The following PCDHGA7 variants were observed in gnomAD, a reference collection of about 807,000 sequenced individuals.
PCDHGA7 encodes protocadherin gamma subfamily A, 7, also known as protocadherin gamma-A7.
A neutral mutation model predicts 58.3 loss-of-function variants in PCDHGA7; 44 were observed. The observed-to-expected ratio is 0.75, with a 90% CI of 0.59 to 0.97. The LOEUF is 0.97. PCDHGA7 is among the 50% of genes least tolerant of loss of function. The pLI, the probability that PCDHGA7 is intolerant of heterozygous loss-of-function variation, is 0.00. For synonymous variants in PCDHGA7, 516 were observed against 504.2 expected, an observed-to-expected ratio of 1.02 and a Z score of -0.31; for missense variants, 1,266 against 1,188.7, an observed-to-expected ratio of 1.06 and a Z score of -0.96.
intron 1 of PCDHGA7, chr5:141,419,630 G>A (rs1484627772): frequency 6.2e-7 from 1 of 1,612,430 alleles, no homozygotes; most frequent in South Asian, 1.1e-5. Context: ...GGTGACCAAG[G>A]TGGTGGCCGT....
intron 1 of PCDHGA7, among the ~76,000 whole-genome samples, chr5:141,435,696 A>G (rs932132128): frequency 1.3e-5 from 2 of 152,204 alleles, no homozygotes; most frequent in East Asian, 1.9e-4. Context: ...TGCTTATTGT[A>G]GAGTGGTTAC....
rs1414795207 is a variant in PCDHGA7 at position 141,393,033 on chromosome 5, C to T, written c.2424+7710C>T. On this transcript the variant is annotated intron_variant, in intron 1 of 3. Transcript: ENST00000518325. ...TATCGTCTCCAGAGGTAGGACGCAG[C>T]TCTTTGCTCTGAACCCGCGCAGCGG... is the stretch of plus-strand genomic sequence containing the variant. 4.3e-6 allele frequency: 7 copies of T among 1,613,782 alleles called. No individual in the cohort carries two copies. The highest frequency in any genetic ancestry group is 4.0e-5 in the African/African-American group (3 of 75,052).
chr5:141,389,463 G>C (rs1201903320), intron 1 of PCDHGA7: 1 of 1,613,192 alleles, frequency 6.2e-7, no homozygotes, highest in African/African-American at 1.3e-5. Context: ...GCGCGCCTTC[G>C]AACTCACACT....
At chr5:141,405,359 GAC>G in intron 1 of PCDHGA7, 1 of 1,614,018 alleles carries the variant, frequency 6.2e-7, no homozygotes, top group Admixed American at 1.7e-5. Context: ...TCCTATAGAA[GAC>G]ACCCCTTTGG....
rs758205179 is a variant in PCDHGA7 at position 141,477,813 on chromosome 5, A to G, written c.2425-16994A>G. ...ACTGATCGCAATGACAATGCCCCCC[A>G]GGTCCTATATCCTCGGCCAGGTGGG... On this transcript the variant is annotated intron_variant, in intron 1 of 3. Transcript: ENST00000518325. This position sits in a 1 kb window ranked among gnomAD's most constrained non-coding sequence, Gnocchi z 4.9. The G allele has an allele frequency of 8.1e-6, 13 of 1,614,002 alleles. No homozygotes were observed. The East Asian group carries it at 2.7e-4, about 33-fold the overall frequency.
At chr5:141,461,817 C>A (rs2099023873) in intron 1 of PCDHGA7, among the ~76,000 whole-genome samples, 1 of 150,844 alleles carries the variant, frequency 6.6e-6, no homozygotes, top group South Asian at 2.1e-4. Flanking sequence ...CCACACCCAG[C>A]TAATTTTTTT....
chr5:141,420,022 TA>T (rs2096459209), intron 1 of PCDHGA7: 1 of 1,613,986 alleles, frequency 6.2e-7, no homozygotes. Flanking sequence ...CTTTCAGCCC[TA>T]CTGCAGGAGA....
At chr5:141,393,622 A>G (rs776047060) in intron 1 of PCDHGA7, 2 of 1,613,960 alleles carry the variant, frequency 1.2e-6, no homozygotes, top group Non-Finnish European at 1.7e-6. Flanking sequence ...AGCGACCCGG[A>G]TGAGGGAATC....
intron 1 of PCDHGA7, among the ~76,000 whole-genome samples, chr5:141,437,926 T>C (rs1374182368): frequency 2.6e-5 from 4 of 152,058 alleles, no homozygotes; most frequent in Admixed American, 1.3e-4. Context: ...TTAGTAGAGA[T>C]GGGGTTTCAC....
chr5:141,455,759 A>G (rs1013283124), intron 1 of PCDHGA7, among the ~76,000 whole-genome samples: 4 of 152,300 alleles, frequency 2.6e-5, no homozygotes, highest in South Asian at 4.1e-4. Context: ...CCTGGCTCCT[A>G]GAGCCGGGGC....
chr5:141,412,534 A>G (rs1324712420), intron 1 of PCDHGA7: 1 of 152,192 alleles, frequency 6.6e-6, no homozygotes, highest in African/African-American at 2.4e-5. Context: ...ACAATTATAA[A>G]GCTTCAGAGT....
Position 141,409,505 on chromosome 5 carries a change from A to G in PCDHGA7, c.2424+24182A>G, listed in dbSNP as rs1361558030. 5.6e-6 allele frequency: 9 copies of G among 1,614,036 alleles called. No homozygotes were observed. In the Middle Eastern group the frequency reaches 4.9e-4, roughly 89 times the overall value. On this transcript the variant is annotated intron_variant, in intron 1 of 3. Coordinates refer to ENST00000518325, the MANE Select transcript of PCDHGA7 (RefSeq NM_018920.4). Reference sequence around the variant, plus strand: ...CAGGGGCAAGCCGCCTCTTTCTTCCAGTAGAAGCATCACCTTGTATGTCGC... The same window carrying G: ...CAGGGGCAAGCCGCCTCTTTCTTCCGGTAGAAGCATCACCTTGTATGTCGC...
chr5:141,451,521 TAAAGG>T (rs1187561043), intron 1 of PCDHGA7, among the ~76,000 whole-genome samples: 1 of 152,148 alleles, frequency 6.6e-6, no homozygotes, highest in Non-Finnish European at 1.5e-5. Context: ...TTAGAGCAAG[TAAAGG>T]AGAGTGCCAG....
rs769249726 is a variant in PCDHGA7 at position 141,490,832 on chromosome 5, A to C, written c.2425-3975A>C. On this transcript the variant is annotated intron_variant, in intron 1 of 3. Transcript: ENST00000518325. This position sits in a 1 kb window ranked among gnomAD's most constrained non-coding sequence, Gnocchi z 5.4. Reference sequence around the variant, plus strand: ...GACTATGAATTGCTGCAGATGCTGCAGATTGTGGTGGGGGTTCGAGACTCC... The same window carrying C: ...GACTATGAATTGCTGCAGATGCTGCCGATTGTGGTGGGGGTTCGAGACTCC... 1.5e-5 allele frequency: 25 copies of C among 1,613,796 alleles called. No individual in the cohort carries two copies. In the South Asian group the frequency reaches 2.6e-4, roughly 17 times the overall value.
Position 141,490,732 on chromosome 5 carries a change from G to A in PCDHGA7, c.2425-4075G>A, listed in dbSNP as rs775388969. 6.2e-6 allele frequency: 10 copies of A among 1,614,188 alleles called. No homozygotes were observed. The highest frequency in any genetic ancestry group is 8.5e-6 in the Non-Finnish European group (10 of 1,180,042). ...CACCTACTCCATTGTAGGAAATCAG[G>A]TTCAGGGAGCCCCAGCCTCCTCCTT... On this transcript the variant is annotated intron_variant, in intron 1 of 3. Transcript: ENST00000518325. This position sits in a 1 kb window ranked among gnomAD's most constrained non-coding sequence, Gnocchi z 5.4.
intron 1 of PCDHGA7, chr5:141,421,623 C>T: frequency 6.2e-7 from 1 of 1,613,810 alleles, no homozygotes. Flanking sequence ...ATAACGCCCC[C>T]AGCTTCCAGG....
intron 1 of PCDHGA7, among the ~76,000 whole-genome samples, chr5:141,454,796 ATTTTTTTTTTTTT>A (rs61612330): frequency 7.8e-5 from 6 of 77,408 alleles, no homozygotes; most frequent in African/African-American, 1.2e-4. Flanking sequence ...CATGGTTCTA[ATTTTTTTTTTTTT>A]TTTTTTTTTT....
At chr5:141,410,100 G>A in intron 1 of PCDHGA7, 1 of 1,612,736 alleles carries the variant, frequency 6.2e-7, no homozygotes, top group Non-Finnish European at 8.5e-7. Context: ...CGAGCCTTAG[G>A]CGACAGGGAC....
intron 1 of PCDHGA7, chr5:141,388,895 T>C (rs2150370716): frequency 6.2e-7 from 1 of 1,613,946 alleles, no homozygotes; most frequent in Non-Finnish European, 8.5e-7. Flanking sequence ...AAGTCATAGA[T>C]GAAAATGACA....
Sources: gnomAD v4.1 joint callset for allele counts (sites outside exome capture counted in the v4.1 genomes callset) on GRCh38, gnomAD v4.1.1 for gene constraint, Gnocchi (gnomAD v3.1) non-coding constraint, MANE v1.5 for transcripts, NCBI Gene and HGNC (gene_info 2026-07-23, HGNC 2026-07-21) for gene names.